The following CHLSN variants were observed in gnomAD, a reference collection of about 807,000 sequenced individuals.
CHLSN encodes protein cholesin.
chr7:978,716 A>T, the CHLSN span, among the ~76,000 whole-genome samples: 6 of 152,280 alleles, frequency 3.9e-5, no homozygotes, highest in Non-Finnish European at 5.9e-5. Context: ...AGAGAAACAG[A>T]CTCAAGGGGT....
the CHLSN span, among the ~76,000 whole-genome samples, chr7:1,135,898 AGTATATATAAAAAT>A: frequency 2.3e-5 from 3 of 133,110 alleles, no homozygotes; most frequent in African/African-American, 8.6e-5. Context: ...TAAATATATA[AGTATATATAAAAAT>A]ATATATAAGT....
the CHLSN span, among the ~76,000 whole-genome samples, chr7:1,070,875 C>T: frequency 1.4e-5 from 2 of 147,176 alleles, no homozygotes; most frequent in South Asian, 2.1e-4. Context: ...GGTGCGCACA[C>T]GTGCACATGC....
chr7:1,017,456 C>T, the CHLSN span, among the ~76,000 whole-genome samples: 5 of 152,154 alleles, frequency 3.3e-5, no homozygotes, highest in Admixed American at 2.0e-4. Context: ...ATGAGGCAGG[C>T]GCTGCTGTCC....
the CHLSN span, chr7:1,028,221 T>G: frequency 5.6e-6 from 6 of 1,071,100 alleles, no homozygotes; most frequent in African/African-American, 1.0e-4. Context: ...ATCCCCTCCC[T>G]GCAGCCCGAA....
the CHLSN span, among the ~76,000 whole-genome samples, chr7:1,041,054 A>G: frequency 2.4e-4 from 36 of 152,270 alleles, no homozygotes; most frequent in African/African-American, 8.7e-4. Context: ...CTGTGGGAAC[A>G]GCTGCTTCTG....
At chr7:1,133,519 G>C in the CHLSN span, among the ~76,000 whole-genome samples, 1 of 151,916 alleles carries the variant, frequency 6.6e-6, no homozygotes, top group African/African-American at 2.4e-5. Context: ...GGGAGGCTGA[G>C]GCAGATGGAT....
the CHLSN span, chr7:997,902 A>C: frequency 8.5e-7 from 1 of 1,178,336 alleles, no homozygotes; most frequent in Non-Finnish European, 1.2e-6. Context: ...CCCGGGCCTC[A>C]GGCTTCCGTC....
At chr7:1,035,497 C>T in the CHLSN span, among the ~76,000 whole-genome samples, 48 of 152,324 alleles carry the variant, frequency 3.2e-4, no homozygotes, top group East Asian at 8.5e-3. Flanking sequence ...CAATAAACCT[C>T]GAACCAAAGA....
chr7:1,039,076 T>A, the CHLSN span, among the ~76,000 whole-genome samples: 442 of 48,984 alleles, frequency 9.0e-3, 9 homozygotes, highest in African/African-American at 0.033. Flanking sequence ...TCAGCCCCCC[T>A]GCCCGGCCAG....
At chr7:1,070,918 A>C in the CHLSN span, among the ~76,000 whole-genome samples, 1 of 112,800 alleles carries the variant, frequency 8.9e-6, no homozygotes, top group Non-Finnish European at 2.1e-5. Flanking sequence ...GCACACACAC[A>C]GCACGCACAG....
At chr7:977,970 C>A in the CHLSN span, among the ~76,000 whole-genome samples, 8 of 152,296 alleles carry the variant, frequency 5.3e-5, no homozygotes, top group African/African-American at 1.9e-4. Flanking sequence ...GGGCTGTGAA[C>A]AATGGGAGCT....
chr7:1,069,508 C>T, the CHLSN span, among the ~76,000 whole-genome samples: 1 of 143,992 alleles, frequency 6.9e-6, no homozygotes. Context: ...TGCAGGCACG[C>T]GCCGCCACGC....
At chr7:1,118,014 C>G in the CHLSN span, among the ~76,000 whole-genome samples, 1 of 152,184 alleles carries the variant, frequency 6.6e-6, no homozygotes, top group Non-Finnish European at 1.5e-5. Flanking sequence ...GGAATGCTGC[C>G]AGTGTCACAT....
the CHLSN span, among the ~76,000 whole-genome samples, chr7:1,035,707 C>T: frequency 6.6e-6 from 1 of 152,194 alleles, no homozygotes; most frequent in African/African-American, 2.4e-5. Flanking sequence ...CAAAATGGCA[C>T]AGTCACTTGG....
the CHLSN span, among the ~76,000 whole-genome samples, chr7:1,029,409 C>T: frequency 1.3e-5 from 2 of 152,126 alleles, no homozygotes; most frequent in East Asian, 3.9e-4. Context: ...ATTACAGGTG[C>T]GCCACCATGC....
the CHLSN span, among the ~76,000 whole-genome samples, chr7:1,030,220 C>T: frequency 3.3e-5 from 5 of 151,426 alleles, no homozygotes; most frequent in African/African-American, 1.2e-4. Flanking sequence ...ACGCAACGAC[C>T]CACGCATCCA....
the CHLSN span, among the ~76,000 whole-genome samples, chr7:1,096,557 A>AT: frequency 6.6e-6 from 1 of 152,142 alleles, no homozygotes; most frequent in Non-Finnish European, 1.5e-5. This position sits in a 1 kb window ranked among gnomAD's most constrained non-coding sequence, Gnocchi z 4.6. Flanking sequence ...GGCAAATGTA[A>AT]TTGTTTTTGG....
chr7:1,108,029 T>G, the CHLSN span, among the ~76,000 whole-genome samples: 2 of 67,288 alleles, frequency 3.0e-5, no homozygotes, highest in East Asian at 3.5e-4. Context: ...CGCACTGGAG[T>G]CCCGCACCCC....
chr7:1,028,324 C>T, the CHLSN span: 6 of 1,032,270 alleles, frequency 5.8e-6, no homozygotes, highest in Admixed American at 1.2e-4. Flanking sequence ...CCGCAGTGCG[C>T]ACCGCCCGGC....
Sources: gnomAD v4.1 joint callset for allele counts (sites outside exome capture counted in the v4.1 genomes callset) on GRCh38, gnomAD v4.1.1 for gene constraint, Gnocchi (gnomAD v3.1) non-coding constraint, MANE v1.5 for transcripts, NCBI Gene and HGNC (gene_info 2026-07-23, HGNC 2026-07-21) for gene names.